The following DDX42 variants were observed in gnomAD, a reference collection of about 807,000 sequenced individuals.
The protein encoded by DDX42 is DEAD-box helicase 42.
DDX42 carries 22 observed loss-of-function variants against 101.5 expected under a neutral mutation model. That is an observed-to-expected ratio of 0.22 (90% CI 0.15 to 0.31). The LOEUF (loss-of-function observed/expected upper bound fraction) is 0.31. Among genes scored for constraint, DDX42 ranks in the 10% least tolerant of loss-of-function variants. DDX42 has a pLI of 1.00. For missense variants in DDX42, 849 were observed against 1,199.9 expected, an observed-to-expected ratio of 0.71 and a Z score of 4.32; for synonymous variants, 402 against 401.2, an observed-to-expected ratio of 1.00 and a Z score of -0.02.
intron 9 of DDX42, 23 bp from the exon 10 acceptor site, chr17:63,808,797 A>G (rs1472766249): frequency 1.2e-6 from 2 of 1,612,588 alleles, no homozygotes; most frequent in African/African-American, 1.3e-5. Context: ...CAGTTTGTTA[A>G]TATATTATTC....
At position 63,796,395 on chromosome 17, in the gene DDX42, T is replaced by C. The variant is rs536614278; in HGVS notation, c.373-1643T>C. On this transcript the variant is annotated intron_variant, in intron 3 of 17. Transcript: ENST00000389924. ...CTCAGTCTCAGCTCACCACAACCTC[T>C]GCCTCCCGGGTCCCGGGTTCAAGCG... 2.6e-5 allele frequency among the ~76,000 whole-genome samples: 4 copies of C among 152,316 alleles called. No individual in the cohort carries two copies. The South Asian group carries it at 8.3e-4, about 32-fold the overall frequency.
rs917793438 is a variant in DDX42 at position 63,810,931 on chromosome 17, C to T, written c.1301-145C>T. On this transcript the variant is annotated intron_variant, in intron 12 of 17. Coordinates refer to ENST00000389924, the MANE Select transcript of DDX42 (RefSeq NM_203499.3). Reference sequence around the variant, plus strand: ...AAAATAGAATAAGAGCAAATCTTTCCCTAGTGAATCAGTTTCTAAACTAAA... The same window carrying T: ...AAAATAGAATAAGAGCAAATCTTTCTCTAGTGAATCAGTTTCTAAACTAAA... 4 of 649,020 alleles carry T rather than the reference C, an allele frequency of 6.2e-6. No homozygotes were observed. The African/African-American group carries it at 7.3e-5, about 12-fold the overall frequency. The allele number at this position is 649,020 out of a possible 1,614,324, so 40.2% of individuals were successfully genotyped here.
At chr17:63,780,432 GTT>G (rs1035844542) in intron 1 of DDX42, among the ~76,000 whole-genome samples, 4 of 152,164 alleles carry the variant, frequency 2.6e-5, no homozygotes, top group African/African-American at 9.7e-5. Flanking sequence ...ATAAAATAGA[GTT>G]TTCATAAATA....
chr17:63,817,425 T>C (rs1425187109), intron 17 of DDX42: 1 of 385,738 alleles, frequency 2.6e-6, no homozygotes, highest in African/African-American at 2.0e-5. Context: ...TGCAGATAAA[T>C]GTGCTAAATA....
intron 16 of DDX42, 95 bp from the exon 17 acceptor site, chr17:63,816,773 C>A: frequency 1.2e-6 from 1 of 804,490 alleles, no homozygotes; most frequent in African/African-American, 1.8e-5. Context: ...TCCTTTGTAG[C>A]TCCCACTTCA....
At position 63,789,553 on chromosome 17, in the gene DDX42, GTTTTTGTTTTTGTTTTTGTTTTTT is replaced by G. The variant is rs2039596274; in HGVS notation, c.221+2289_221+2312del. ...AAAAAAGCTTCTAAAAGACTTTTTT[GTTTTTGTTTTTGTTTTTGTTTTTT>G]TTTTTTTTTTTTTGAGACAGAGTTT... On this transcript the variant is annotated intron_variant, in intron 2 of 17. Transcript: ENST00000389924. Among the ~76,000 whole-genome samples, 4 of 28,656 alleles carry G rather than the reference GTTTTTGTTTTTGTTTTTGTTTTTT, an allele frequency of 1.4e-4. 1 individual carries two copies. The highest frequency in any genetic ancestry group is 9.5e-5 in the African/African-American group (1 of 10,522). The allele number at this position is 28,656 out of a possible 152,430, so 18.8% of individuals were successfully genotyped here.
At chr17:63,774,553 A>G (rs1223581021) in intron 1 of DDX42, 177 bp downstream of exon 1, 1 of 165,008 alleles carries the variant, frequency 6.1e-6, no homozygotes, top group Non-Finnish European at 1.3e-5. Flanking sequence ...TGAGGCCTCT[A>G]GGGTTCCTTC....
intron 11 of DDX42, chr17:63,810,227 A>G: frequency 4.7e-6 from 1 of 213,100 alleles, no homozygotes; most frequent in South Asian, 1.0e-4. Context: ...TTGGGGTGAT[A>G]GGCACCTACC....
intron 4 of DDX42, chr17:63,799,342 T>TG (rs1424061216): frequency 5.0e-6 from 2 of 397,228 alleles, no homozygotes; most frequent in African/African-American, 2.1e-5. Context: ...ATATCCTTGT[T>TG]GGTAACCGCT....
intron 13 of DDX42, 85 bp downstream of exon 13, chr17:63,811,258 TA>T (rs941826995): frequency 0.012 from 10,498 of 908,070 alleles, 6 homozygotes; most frequent in African/African-American, 0.018. Context: ...ACTATTGAGA[TA>T]AAAAAAAAAG....
intron 3 of DDX42, among the ~76,000 whole-genome samples, chr17:63,796,816 T>C (rs2039698853): frequency 6.6e-6 from 1 of 152,192 alleles, no homozygotes; most frequent in Non-Finnish European, 1.5e-5. Flanking sequence ...GCTGGTTCAG[T>C]CCTCCGAAAA....
At position 63,809,707 on chromosome 17, in the gene DDX42, G is replaced by GT. The variant is rs750899527; in HGVS notation, c.1252+56dup. On this transcript the variant is annotated intron_variant, in intron 11 of 17. Transcript: ENST00000389924. ...TTCTGTCCCCATCCTCATGATACTA[G>GT]TTTTTTTTCCATGTCTTTCTAGACT... The GT allele has an allele frequency of 3.8e-5, 56 of 1,484,512 alleles. 1 individual carries two copies. The highest frequency in any genetic ancestry group is 4.7e-5 in the Non-Finnish European group (50 of 1,064,470). 92.0% of individuals were successfully genotyped at this position (1,484,512 alleles called of 1,614,324 possible).
Position 63,800,520 on chromosome 17 carries a change from A to T in DDX42, c.524A>T (p.Glu175Val). The change falls in exon 6 of 18, where the codon GAG becomes GTG. Residue 175 changes from glutamate (E) to valine (V), a missense_variant. Physicochemically the swap from Glu to Val is moderately radical, Grantham distance 121. Transcript: ENST00000389924. ...AACCCAACTGCTGGTGTGGTTCAGGAGGAAGAGGAAGACAATCTAGAATAT... is the reference window on the plus strand; with the variant it reads ...AACCCAACTGCTGGTGTGGTTCAGGTGGAAGAGGAAGACAATCTAGAATAT... ...AENPTAGVVQ[E>V]EEEDNLEYDS... 6.2e-7 allele frequency: 1 copy of T among 1,614,116 alleles called. No individual in the cohort carries two copies. The highest frequency in any genetic ancestry group is 8.5e-7 in the Non-Finnish European group (1 of 1,180,008).
In DDX42 at chr17:63,780,082, C is replaced by T. The variant is rs576565076; in HGVS notation, c.-17+5706C>T. Among the ~76,000 whole-genome samples, 211 of 152,134 alleles carry T rather than the reference C, an allele frequency of 1.4e-3. 1 individual carries two copies. The highest frequency in any genetic ancestry group is 4.9e-3 in the African/African-American group (202 of 41,518). On this transcript the variant is annotated intron_variant, in intron 1 of 17. Coordinates refer to ENST00000389924, the MANE Select transcript of DDX42 (RefSeq NM_203499.3). ...GAGGCCAAGGCAGGCAGATCACCGG[C>T]GGTCGGGAGTTTGAGACCAGCCTGA...
chr17:63,815,229 T>C (rs866950899), intron 15 of DDX42, among the ~76,000 whole-genome samples: 1 of 152,222 alleles, frequency 6.6e-6, no homozygotes, highest in African/African-American at 2.4e-5. Context: ...AAATAAAATA[T>C]AAGCTCATTT....
At position 63,816,705 on chromosome 17, in the gene DDX42, A is replaced by T. The variant is rs1190671750; in HGVS notation, c.2014-163A>T. 6.5e-6 allele frequency: 3 copies of T among 460,232 alleles called. No homozygotes were observed. In the East Asian group the frequency reaches 1.0e-4, roughly 16 times the overall value. 28.5% of individuals were successfully genotyped at this position (460,232 alleles called of 1,614,324 possible). The stretch of plus-strand genomic sequence containing the variant: ...GGGTTGAGGGCATAAGCATTTTTAA[A>T]TGATTGTCACTGTGTCTTTTCTCAC... On this transcript the variant is annotated intron_variant, in intron 16 of 17. Transcript: ENST00000389924.
intron 6 of DDX42, among the ~76,000 whole-genome samples, chr17:63,804,280 G>GA (rs141563748): frequency 0.016 from 2,359 of 147,508 alleles, 65 homozygotes; most frequent in African/African-American, 0.055. Flanking sequence ...CCCTGTCTCT[G>GA]AAAAAAAAAA....
intron 1 of DDX42, chr17:63,776,370 T>G (rs1180483108): frequency 6.6e-6 from 1 of 152,426 alleles, no homozygotes; most frequent in Non-Finnish European, 1.5e-5. Flanking sequence ...GTGCCTAGCC[T>G]GGCTTCTGAC....
At position 63,816,921 on chromosome 17, in the gene DDX42, A is replaced by G; in HGVS notation, c.2067A>G (p.Thr689=). Residue 689 remains threonine (T), a synonymous_variant, in exon 17 of 18, where the codon ACA becomes ACG. Transcript: ENST00000389924. ...ATTATGAGGCCTACAAGCCTTCCACAGGAGCTATGGGAGATCGACTAACGG... is the reference window on the plus strand; with the variant it reads ...ATTATGAGGCCTACAAGCCTTCCACGGGAGCTATGGGAGATCGACTAACGG... The part of the protein sequence containing the change: ...MSNYEAYKPS[T]GAMGDRLTAM... 2 of 1,614,064 alleles carry G rather than the reference A, an allele frequency of 1.2e-6. No individual in the cohort carries two copies. Among genetic ancestry groups the G allele is most frequent in the Non-Finnish European group, 1.7e-6 (2 of 1,179,996 alleles).
Sources: gnomAD v4.1 joint callset for allele counts (sites outside exome capture counted in the v4.1 genomes callset) on GRCh38, gnomAD v4.1.1 for gene constraint, MANE v1.5 for transcripts, NCBI Gene and HGNC (gene_info 2026-07-23, HGNC 2026-07-21) for gene names.